Variants in PTGFR observed in about 807,000 individuals in gnomAD.
The protein encoded by PTGFR is prostaglandin F2-alpha receptor.
A neutral mutation model predicts 26.2 loss-of-function variants in PTGFR; 15 were observed. The observed-to-expected ratio is 0.57, with a 90% CI of 0.38 to 0.88. PTGFR has a LOEUF of 0.88. Among genes scored for constraint, PTGFR ranks in the 40% least tolerant of loss-of-function variants. PTGFR has a pLI of 0.00. For missense variants in PTGFR, 369 were observed against 427.2 expected (o/e 0.86, Z 1.20); for synonymous variants, 165 against 151.1 (o/e 1.09, Z -0.68).
chr1:78,491,485 A>C (rs1649395855), intron 1 of PTGFR, among the ~76,000 whole-genome samples: 1 of 152,196 alleles, frequency 6.6e-6, no homozygotes, highest in Non-Finnish European at 1.5e-5. Flanking sequence ...AAATCGGCAC[A>C]GATTCCGCTT....
intron 2 of PTGFR, among the ~76,000 whole-genome samples, chr1:78,519,062 C>A (rs1650162849): frequency 1.3e-5 from 2 of 152,194 alleles, no homozygotes; most frequent in Non-Finnish European, 2.9e-5. Context: ...CCTGAAATTG[C>A]CTATCAAATA....
Position 78,536,423 on chromosome 1 carries a change from T to A in PTGFR, c.816T>A (p.Ile272=). 1 of 1,611,702 alleles carries A rather than the reference T, an allele frequency of 6.2e-7. No homozygotes were observed. Among genetic ancestry groups the A allele is most frequent in the Non-Finnish European group, 8.5e-7 (1 of 1,179,034 alleles). The change falls in exon 3 of 3, where the codon ATT becomes ATA. Residue 272 remains isoleucine, a synonymous_variant. Coordinates refer to ENST00000370757, the MANE Select transcript of PTGFR (RefSeq NM_000959.4). ...GTTTCTAGGTTACAATGGCCAACAT[T>A]GGAATAAATGGAAATCATTCTCTGG... ...WSPFLVTMAN[I]GINGNHSLET...
intron 2 of PTGFR, among the ~76,000 whole-genome samples, chr1:78,536,132 C>T (rs1361565749): frequency 6.6e-6 from 1 of 152,058 alleles, no homozygotes; most frequent in Non-Finnish European, 1.5e-5. Context: ...TTACTGGTAT[C>T]AGTGTTTGTT....
At chr1:78,526,580 C>A (rs1650379247) in intron 2 of PTGFR, among the ~76,000 whole-genome samples, 1 of 152,178 alleles carries the variant, frequency 6.6e-6, no homozygotes, top group Admixed American at 6.6e-5. Context: ...GAAGCCAAGA[C>A]AAATAACCTT....
chr1:78,534,553 C>T lies in PTGFR; in HGVS notation c.799-1853C>T, dbSNP rs374329544. On this transcript the variant is annotated intron_variant, in intron 2 of 2. Coordinates refer to ENST00000370757, the MANE Select transcript of PTGFR (RefSeq NM_000959.4). ...AAAAACATAATTTATAAAAGCAATG[C>T]ATGATCGATCTAAAAAATTAGTGAA... Among the ~76,000 whole-genome samples, 33 of 152,278 alleles carry T rather than the reference C, an allele frequency of 2.2e-4. No individual in the cohort carries two copies. The East Asian group carries it at 3.7e-3, about 17-fold the overall frequency.
intron 2 of PTGFR, among the ~76,000 whole-genome samples, chr1:78,516,416 A>G (rs925627450): frequency 2.0e-5 from 3 of 152,196 alleles, no homozygotes; most frequent in Non-Finnish European, 4.4e-5. Flanking sequence ...GAAAACACAA[A>G]GACATGAAGA....
At chr1:78,516,793 AT>A (rs1468072026) in intron 2 of PTGFR, among the ~76,000 whole-genome samples, 1 of 151,984 alleles carries the variant, frequency 6.6e-6, no homozygotes, top group Non-Finnish European at 1.5e-5. Flanking sequence ...CTATTCTGTC[AT>A]TGAAAGGTTA....
chr1:78,516,639 C>T (rs899188302), intron 2 of PTGFR, among the ~76,000 whole-genome samples: 2 of 152,056 alleles, frequency 1.3e-5, no homozygotes, highest in African/African-American at 4.8e-5. Flanking sequence ...CTATCTCCAA[C>T]CTAAATAGGT....
At chr1:78,496,938 T>A (rs573246030) in intron 2 of PTGFR, among the ~76,000 whole-genome samples, 4,019 of 148,568 alleles carry the variant, frequency 0.027, 194 homozygotes, top group African/African-American at 0.094. Flanking sequence ...TTGTGGCATA[T>A]TTGTTAGAAT....
chr1:78,502,247 T>G (rs1256507206), intron 2 of PTGFR, among the ~76,000 whole-genome samples: 1 of 152,150 alleles, frequency 6.6e-6, no homozygotes, highest in African/African-American at 2.4e-5. Flanking sequence ...GATAAAGATC[T>G]TTCCTCAAGG....
At chr1:78,522,860 T>G (rs688775) in intron 2 of PTGFR, among the ~76,000 whole-genome samples, 14,229 of 152,132 alleles carry the variant, frequency 0.094, 1,135 homozygotes, top group African/African-American at 0.22. Flanking sequence ...ACTTCCTTTT[T>G]TCTCCTTTTC....
chr1:78,526,562 A>G (rs1650378828), intron 2 of PTGFR, among the ~76,000 whole-genome samples: 1 of 152,094 alleles, frequency 6.6e-6, no homozygotes, highest in Non-Finnish European at 1.5e-5. Flanking sequence ...TAGTGATTTT[A>G]TTGGAATGAA....
chr1:78,538,701 T>C lies in PTGFR; in HGVS notation c.*2014T>C, dbSNP rs1434072141. 1 of 152,122 alleles carries C rather than the reference T, an allele frequency of 6.6e-6. No individual in the cohort carries two copies. Among genetic ancestry groups the C allele is most frequent in the Non-Finnish European group, 1.5e-5 (1 of 67,994 alleles). The allele number at this position is 152,122 out of a possible 1,614,324, so 9.4% of individuals were successfully genotyped here. On this transcript the variant is annotated 3_prime_UTR_variant, in exon 3 of 3. Transcript: ENST00000370757. ...ATTTACTGTGTAATGAATAATAGAC[T>C]GGAACATCTACCAATAACTTTCACA... is the stretch of plus-strand genomic sequence containing the variant.
chr1:78,512,861 T>C (rs1650005820), intron 2 of PTGFR, among the ~76,000 whole-genome samples: 2 of 152,112 alleles, frequency 1.3e-5, no homozygotes, highest in African/African-American at 4.8e-5. Context: ...TCTGGCATGA[T>C]ATCTGGTTGT....
At chr1:78,529,884 T>C (rs1168950137) in intron 2 of PTGFR, among the ~76,000 whole-genome samples, 1 of 152,106 alleles carries the variant, frequency 6.6e-6, no homozygotes, top group East Asian at 1.9e-4. Context: ...GCACAAACCC[T>C]ACTGTGAACA....
At chr1:78,505,172 G>T (rs999189111) in intron 2 of PTGFR, among the ~76,000 whole-genome samples, 1 of 147,572 alleles carries the variant, frequency 6.8e-6, no homozygotes, top group Non-Finnish European at 1.5e-5. Context: ...GTCCAGGCTG[G>T]AGTGCAGTGA....
rs1207585891 is a variant in PTGFR at position 78,493,003 on chromosome 1, T to C, written c.260T>C (p.Ile87Thr). 6.2e-7 allele frequency: 1 copy of C among 1,614,252 alleles called. No homozygotes were observed. The highest frequency in any genetic ancestry group is 1.7e-5 in the Admixed American group (1 of 60,036). The stretch of plus-strand genomic sequence containing the variant: ...TTTGGCCATCTCATCAATGGAGCCA[T>C]AGCAGTATTTGTATATGCTTCTGAT... ...DFFGHLINGAIAVFVYASDKE... is the reference protein window; with the variant it reads ...DFFGHLINGATAVFVYASDKE... Residue 87 changes from isoleucine to threonine, a missense_variant, in exon 2 of 3, where the codon ATA becomes ACA. Physicochemically the swap from Ile to Thr is moderately conservative, Grantham distance 89. Transcript: ENST00000370757.
intron 2 of PTGFR, among the ~76,000 whole-genome samples, chr1:78,503,132 T>C (rs1649749905): frequency 6.6e-6 from 1 of 152,118 alleles, no homozygotes. Flanking sequence ...AGAAACTCTT[T>C]AGTATTTGGG....
intron 2 of PTGFR, among the ~76,000 whole-genome samples, chr1:78,500,338 T>A (rs552632570): frequency 2.6e-5 from 4 of 152,334 alleles, no homozygotes; most frequent in African/African-American, 9.6e-5. Context: ...CCGACAGACC[T>A]TTTTAGTGGA....
Sources: allele counts gnomAD v4.1 joint callset (sites outside exome capture counted in the v4.1 genomes callset), GRCh38; gene constraint gnomAD v4.1.1; transcripts MANE v1.5; gene names NCBI Gene and HGNC (gene_info 2026-07-23, HGNC 2026-07-21).